MYO1D: variants seen among roughly 807,000 people sequenced by gnomAD.
MYO1D encodes unconventional myosin-Id.
In MYO1D, 83 loss-of-function variants were observed where a neutral mutation model predicts 122.0. The observed-to-expected ratio is 0.68, with a 90% CI of 0.57 to 0.82. MYO1D has a LOEUF of 0.82. Among genes scored for constraint, MYO1D ranks in the 40% least tolerant of loss-of-function variants. The pLI, the probability that MYO1D is intolerant of heterozygous loss-of-function variation, is 0.00. For synonymous variants in MYO1D, 464 were observed against 446.9 expected (o/e 1.04, Z -0.48); for missense variants, 1,157 against 1,269.5 (o/e 0.91, Z 1.35).
At chr17:32,621,120 T>C in intron 20 of MYO1D, among the ~76,000 whole-genome samples, 1 of 152,196 alleles carries the variant, frequency 6.6e-6, no homozygotes. Flanking sequence ...TAAGCTGTGC[T>C]GTGTGCCTGC....
At chr17:32,571,424 C>G (rs1015505104) in intron 21 of MYO1D, among the ~76,000 whole-genome samples, 1 of 152,176 alleles carries the variant, frequency 6.6e-6, no homozygotes, top group African/African-American at 2.4e-5. Flanking sequence ...CTGTATCAAG[C>G]CTTTCCTCCT....
intron 21 of MYO1D, among the ~76,000 whole-genome samples, chr17:32,547,242 T>C (rs2086971411): frequency 6.6e-6 from 1 of 152,068 alleles, no homozygotes; most frequent in Admixed American, 6.5e-5. Context: ...AATCAAGTCT[T>C]TTTTCATATA....
intron 16 of MYO1D, among the ~76,000 whole-genome samples, chr17:32,674,552 G>C (rs1289120917): frequency 1.3e-5 from 2 of 151,816 alleles, no homozygotes; most frequent in African/African-American, 4.8e-5. Flanking sequence ...ACTTATTCTT[G>C]ACATTTGTTT....
At chr17:32,662,947 T>A (rs1019951846) in intron 16 of MYO1D, among the ~76,000 whole-genome samples, 1 of 147,000 alleles carries the variant, frequency 6.8e-6, no homozygotes, top group African/African-American at 2.5e-5. Context: ...AGACAGGGTC[T>A]CACTCTGTCA....
intron 13 of MYO1D, among the ~76,000 whole-genome samples, chr17:32,742,342 T>C (rs1166038515): frequency 6.6e-6 from 1 of 152,224 alleles, no homozygotes; most frequent in Non-Finnish European, 1.5e-5. Flanking sequence ...TTCCATTCCA[T>C]GTTACTGTTA....
intron 10 of MYO1D, among the ~76,000 whole-genome samples, chr17:32,757,086 T>C (rs1403554434): frequency 6.6e-6 from 1 of 152,176 alleles, no homozygotes; most frequent in East Asian, 1.9e-4. Flanking sequence ...TATATACTCA[T>C]AATAGACCAT....
chr17:32,559,108 A>G (rs1171000780), intron 21 of MYO1D, among the ~76,000 whole-genome samples: 1 of 152,184 alleles, frequency 6.6e-6, no homozygotes, highest in South Asian at 2.1e-4. Context: ...ATATGAACCA[A>G]ATTGTCTTTC....
At chr17:32,842,203 G>T (rs2090889532) in intron 1 of MYO1D, among the ~76,000 whole-genome samples, 1 of 152,078 alleles carries the variant, frequency 6.6e-6, no homozygotes, top group Non-Finnish European at 1.5e-5. Flanking sequence ...TTTAAGACTG[G>T]GAAGACAGGG....
intron 21 of MYO1D, among the ~76,000 whole-genome samples, chr17:32,532,103 A>C (rs769257917): frequency 2.6e-5 from 4 of 152,218 alleles, no homozygotes; most frequent in Non-Finnish European, 4.4e-5. Context: ...CCTGGCTCCA[A>C]TGTGGCTGCT....
intron 1 of MYO1D, among the ~76,000 whole-genome samples, chr17:32,796,259 G>A (rs1203177967): frequency 2.0e-5 from 3 of 152,112 alleles, no homozygotes; most frequent in Admixed American, 2.0e-4. Flanking sequence ...TACCTTAACT[G>A]GGGAGTTAGC....
intron 15 of MYO1D, among the ~76,000 whole-genome samples, chr17:32,718,934 C>T (rs141678994): frequency 2.6e-4 from 39 of 152,236 alleles, no homozygotes; most frequent in African/African-American, 9.4e-4. Context: ...AACTTCTTTC[C>T]AGAACTCCAG....
intron 21 of MYO1D, among the ~76,000 whole-genome samples, chr17:32,567,555 T>C (rs1259663221): frequency 6.6e-6 from 1 of 152,320 alleles, no homozygotes; most frequent in Non-Finnish European, 1.5e-5. Context: ...AGGGATGGAC[T>C]TAAACACAGA....
intron 21 of MYO1D, among the ~76,000 whole-genome samples, chr17:32,505,978 G>T (rs1408040128): frequency 1.3e-5 from 2 of 152,168 alleles, no homozygotes; most frequent in African/African-American, 4.8e-5. Flanking sequence ...TAGCACTTTG[G>T]GAGGCCAAGG....
At chr17:32,543,673 T>A (rs181282346) in intron 21 of MYO1D, among the ~76,000 whole-genome samples, 1 of 152,346 alleles carries the variant, frequency 6.6e-6, no homozygotes, top group African/African-American at 2.4e-5. Context: ...AGGGTGCCCT[T>A]CATGTCAAAG....
intron 21 of MYO1D, among the ~76,000 whole-genome samples, chr17:32,555,358 C>T (rs977427680): frequency 1.3e-5 from 2 of 151,872 alleles, no homozygotes; most frequent in African/African-American, 4.8e-5. Flanking sequence ...ATAGAATGTA[C>T]AGAAGAATCT....
intron 20 of MYO1D, among the ~76,000 whole-genome samples, chr17:32,638,144 TACAA>T (rs2088131636): frequency 6.6e-6 from 1 of 152,052 alleles, no homozygotes; most frequent in African/African-American, 2.4e-5. Flanking sequence ...AAGGACAAAT[TACAA>T]ACAAACAAAC....
intron 21 of MYO1D, among the ~76,000 whole-genome samples, chr17:32,572,039 G>A (rs1202077594): frequency 6.6e-6 from 1 of 151,954 alleles, no homozygotes; most frequent in Non-Finnish European, 1.5e-5. Context: ...AACAGACCTA[G>A]GTTCATATCA....
chr17:32,820,910 T>C (rs1022860190), intron 1 of MYO1D, among the ~76,000 whole-genome samples: 1 of 152,230 alleles, frequency 6.6e-6, no homozygotes, highest in Non-Finnish European at 1.5e-5. Context: ...GGGGTACATA[T>C]GCAGGTTTGT....
At chr17:32,864,007 CTTTTTTTTTTTTTTTTTTTTTTTT>C (rs560953120) in intron 1 of MYO1D, among the ~76,000 whole-genome samples, 2 of 48,960 alleles carry the variant, frequency 4.1e-5, no homozygotes, top group East Asian at 1.3e-3. Context: ...ACATTTCTTC[CTTTTTTTTTTTTTTTTTTTTTTTT>C]TTTTTTTTTT....
Sources: gnomAD v4.1 joint callset for allele counts (sites outside exome capture counted in the v4.1 genomes callset) on GRCh38, gnomAD v4.1.1 for gene constraint, MANE v1.5 for transcripts, NCBI Gene and HGNC (gene_info 2026-07-23, HGNC 2026-07-21) for gene names.